Variants in SLC25A41 observed in about 807,000 individuals in gnomAD.
SLC25A41 encodes mitochondrial carrier protein SCaMC-3L.
SLC25A41 carries 35 observed loss-of-function variants against 34.7 expected under a neutral mutation model. The observed-to-expected ratio is 1.01, with a 90% CI of 0.77 to 1.34. The LOEUF (loss-of-function observed/expected upper bound fraction) is 1.34, where lower values mean the gene tolerates loss of function less well. Ranked by LOEUF, SLC25A41 falls within the 40% of genes most tolerant of loss-of-function variation. The pLI is 0.00. For missense variants in SLC25A41, 492 were observed against 489.8 expected (o/e 1.00, Z -0.04); for synonymous variants, 190 against 209.9 (o/e 0.91, Z 0.82).
chr19:6,430,888 A>C (rs989380052), intron 2 of SLC25A41, among the ~76,000 whole-genome samples: 1 of 151,956 alleles, frequency 6.6e-6, no homozygotes, highest in Non-Finnish European at 1.5e-5. Flanking sequence ...ATCACAGCTC[A>C]CTGCAGCCCC....
Position 6,427,008 on chromosome 19 carries a change from G to A in SLC25A41, c.940+95C>T. On this transcript the variant is annotated intron_variant, in intron 6 of 6. Transcript: ENST00000321510. The surrounding 1 kb of genome is among the most constrained non-coding windows in gnomAD (Gnocchi z 4.9). ...AAAGTGGGCTGGGATCAGACACGGA[G>A]GGTGCCGGACTCAGTTTTGGGGTAT... is the stretch of plus-strand genomic sequence containing the variant. 1 of 1,375,782 alleles carries A rather than the reference G, an allele frequency of 7.3e-7. No individual in the cohort carries two copies. Among genetic ancestry groups the A allele is most frequent in the Non-Finnish European group, 9.9e-7 (1 of 1,012,804 alleles). The allele number at this position is 1,375,782 out of a possible 1,614,324, so 85.2% of individuals were successfully genotyped here.
At chr19:6,429,429 A>ATAG (rs2092272003) in intron 4 of SLC25A41, among the ~76,000 whole-genome samples, 1 of 65,334 alleles carries the variant, frequency 1.5e-5, no homozygotes, top group Non-Finnish European at 2.9e-5. Context: ...AGAAGGGAGA[A>ATAG]AGGAGGAGGG....
At chr19:6,435,789 A>G (rs1272279491), upstream of SLC25A41, among the ~76,000 whole-genome samples, 1 of 152,036 alleles carries the variant, frequency 6.6e-6, no homozygotes, top group Non-Finnish European at 1.5e-5. Flanking sequence ...CACAGGAATT[A>G]GAGGCTGCAG....
chr19:6,428,322 C>G (rs1283288735), intron 4 of SLC25A41, among the ~76,000 whole-genome samples: 8 of 151,048 alleles, frequency 5.3e-5, no homozygotes, highest in Non-Finnish European at 1.2e-4. Context: ...TCGCTTGAAC[C>G]CAGAAGGTGG....
At chr19:6,428,088 T>G (rs534542348) in intron 4 of SLC25A41, among the ~76,000 whole-genome samples, 1 of 152,164 alleles carries the variant, frequency 6.6e-6, no homozygotes, top group African/African-American at 2.4e-5. Context: ...CAAGTCATTA[T>G]ACATTCCTCA....
intron 2 of SLC25A41, 34 bp downstream of exon 2, chr19:6,432,015 G>A (rs749932777): frequency 1.6e-5 from 26 of 1,587,842 alleles, no homozygotes; most frequent in South Asian, 2.3e-5. Flanking sequence ...TGGCTCCAGC[G>A]CTGGGTCCCG....
chr19:6,434,365 C>G (rs1291841529), upstream of SLC25A41, among the ~76,000 whole-genome samples: 2 of 152,128 alleles, frequency 1.3e-5, no homozygotes, highest in African/African-American at 4.8e-5. Flanking sequence ...AATTAGTTCC[C>G]TATAAGGAAA....
chr19:6,427,912 G>A lies in SLC25A41; in HGVS notation c.625-411C>T, dbSNP rs1380781688. Among the ~76,000 whole-genome samples, 3 of 152,156 alleles carry A rather than the reference G, an allele frequency of 2.0e-5. No individual in the cohort carries two copies. The highest frequency in any genetic ancestry group is 2.0e-4 in the Admixed American group (3 of 15,264). ...AAAACTGATTAAGAATAACAGGGAA[G>A]GGAGGCGAGAAAACATGCCCTCAAG... On this transcript the variant is annotated intron_variant, in intron 4 of 6. Coordinates refer to ENST00000321510, the MANE Select transcript of SLC25A41 (RefSeq NM_173637.4). This position sits in a 1 kb window ranked among gnomAD's most constrained non-coding sequence, Gnocchi z 4.9.
Position 6,427,397 on chromosome 19 carries a change from G to A in SLC25A41, c.729C>T (p.Arg243=), listed in dbSNP as rs3760750. ...TGCCGAGCATATTGGGCAGGTAGCC[G>A]CGGTAAAGGGCGCGGGTGCCCTCTC... ...LQREGTRALY[R]GYLPNMLGII... The change falls in exon 5 of 7, where the codon CGC becomes CGT. Residue 243 remains arginine (R), a synonymous_variant. Transcript: ENST00000321510. The surrounding 1 kb of genome is among the most constrained non-coding windows in gnomAD (Gnocchi z 4.9). The A allele has an allele frequency of 0.094, 151,104 of 1,610,820 alleles. 7,654 individuals are homozygous for A. Among genetic ancestry groups the A allele is most frequent in the East Asian group, 0.16 (7,236 of 44,818 alleles).
At chr19:6,434,989 A>T (rs1441712523), upstream of SLC25A41, among the ~76,000 whole-genome samples, 2 of 151,888 alleles carry the variant, frequency 1.3e-5, no homozygotes, top group African/African-American at 4.8e-5. Flanking sequence ...TTGGGAGGTC[A>T]AGGCAGGTGG....
At chr19:6,433,340 G>A (rs1252599186) in intron 1 of SLC25A41, 147 bp downstream of exon 1, 10 of 773,358 alleles carry the variant, frequency 1.3e-5, no homozygotes, top group Admixed American at 6.4e-5. Flanking sequence ...TGGAGCCATC[G>A]CGCCCTGCCT....
upstream of SLC25A41, among the ~76,000 whole-genome samples, chr19:6,433,967 G>A (rs185675045): frequency 2.5e-3 from 383 of 151,980 alleles, no homozygotes; most frequent in African/African-American, 8.6e-3. Flanking sequence ...TTTTTGAGAC[G>A]GAGTCTCGCT....
chr19:6,426,499 C>T lies in SLC25A41; in HGVS notation c.1003G>A (p.Gly335Ser). 6.2e-7 allele frequency: 1 copy of T among 1,613,580 alleles called. No homozygotes were observed. The highest frequency in any genetic ancestry group is 8.5e-7 in the Non-Finnish European group (1 of 1,179,844). Residue 335 changes from glycine to serine, a missense_variant, in exon 7 of 7, where the codon GGC becomes AGC. Gly to Ser is a moderately conservative substitution (Grantham distance 56, BLOSUM62 0). Coordinates refer to ENST00000321510, the MANE Select transcript of SLC25A41 (RefSeq NM_173637.4). ...GVLQRILAQQ[G>S]WLGLYRGMTP... is the part of the protein sequence containing the mutation. Reference sequence around the variant, plus strand: ...ATGCCTCGGTACAGCCCTAGCCAGCCCTGCTGGGCCAGGATCCGCTGGAGG... The same window carrying T: ...ATGCCTCGGTACAGCCCTAGCCAGCTCTGCTGGGCCAGGATCCGCTGGAGG...
At chr19:6,434,020 T>C (rs572651817), upstream of SLC25A41, among the ~76,000 whole-genome samples, 2 of 152,320 alleles carry the variant, frequency 1.3e-5, no homozygotes, top group Non-Finnish European at 2.9e-5. Flanking sequence ...CTTGGCTCAC[T>C]GCAAGCTCCG....
rs1388932424 is a variant in SLC25A41 at position 6,427,551 on chromosome 19, G to GGCT, written c.625-51_625-50insAGC. The GGCT allele has an allele frequency of 6.9e-7, 1 of 1,443,108 alleles. No individual in the cohort carries two copies. Among genetic ancestry groups the GGCT allele is most frequent in the Non-Finnish European group, 9.2e-7 (1 of 1,090,704 alleles). 89.4% of individuals were successfully genotyped at this position (1,443,108 alleles called of 1,614,324 possible). On this transcript the variant is annotated intron_variant, in intron 4 of 6. Transcript: ENST00000321510. This position sits in a 1 kb window ranked among gnomAD's most constrained non-coding sequence, Gnocchi z 4.9. ...GCTCATTTGATTGAATCCTGTCAATGACCCTCGGGGTAGCCATTGTCCCCA... is the reference window on the plus strand; with the variant it reads ...GCTCATTTGATTGAATCCTGTCAATGGCTACCCTCGGGGTAGCCATTGTCCCCA...
chr19:6,435,313 T>C (rs926871185), upstream of SLC25A41, among the ~76,000 whole-genome samples: 7 of 151,408 alleles, frequency 4.6e-5, no homozygotes, highest in Non-Finnish European at 7.4e-5. Flanking sequence ...GGCTGGAGTA[T>C]AGTGGCACAC....
intron 2 of SLC25A41, among the ~76,000 whole-genome samples, chr19:6,431,388 A>G (rs1323317180): frequency 6.6e-6 from 1 of 150,874 alleles, no homozygotes; most frequent in Non-Finnish European, 1.5e-5. Context: ...AGCTGAGACT[A>G]TGGGTGTGAG....
chr19:6,434,118 AT>A (rs2092297837), upstream of SLC25A41, among the ~76,000 whole-genome samples: 1 of 151,650 alleles, frequency 6.6e-6, no homozygotes. Context: ...TAATTTTTTT[AT>A]TTTTTAGTAG....
rs962670703 is a variant in SLC25A41, at chr19:6,426,195, C to T, written c.*194G>A. On this transcript the variant is annotated 3_prime_UTR_variant, in exon 7 of 7. Coordinates refer to ENST00000321510, the MANE Select transcript of SLC25A41 (RefSeq NM_173637.4). ...CCAGGAGTTTTCTGACCCAGCACTG[C>T]CCCCCTCCACCCACCACCAACCCCA... The T allele has an allele frequency of 4.9e-5, 29 of 586,038 alleles. No individual in the cohort carries two copies. In the African/African-American group the frequency reaches 5.2e-4, roughly 11 times the overall value. 36.3% of individuals were successfully genotyped at this position (586,038 alleles called of 1,614,324 possible).
Sources: gnomAD v4.1 joint callset for allele counts (sites outside exome capture counted in the v4.1 genomes callset) on GRCh38, gnomAD v4.1.1 for gene constraint, Gnocchi (gnomAD v3.1) non-coding constraint, MANE v1.5 for transcripts, NCBI Gene and HGNC (gene_info 2026-07-23, HGNC 2026-07-21) for gene names.